MAGI3: variants seen among roughly 807,000 people sequenced by gnomAD.
MAGI3 encodes the protein membrane-associated guanylate kinase, WW and PDZ domain-containing protein 3.
A neutral mutation model predicts 121.8 loss-of-function variants in MAGI3; 43 were observed. The ratio of observed to expected loss-of-function variants is 0.35; its 90% CI spans 0.28 to 0.46. The LOEUF (loss-of-function observed/expected upper bound fraction) is 0.46. Among genes scored for constraint, MAGI3 ranks in the 20% least tolerant of loss-of-function variants. MAGI3 has a pLI of 1.00. For synonymous variants in MAGI3, 553 were observed against 639.3 expected (o/e 0.86, Z 2.04); for missense variants, 1,547 against 1,797.3 (o/e 0.86, Z 2.52).
intron 18 of MAGI3, among the ~76,000 whole-genome samples, 170 bp from the exon 19 acceptor site, chr1:113,673,152 T>G (rs983589836): frequency 6.6e-6 from 1 of 152,242 alleles, no homozygotes; most frequent in Non-Finnish European, 1.5e-5. Context: ...TTAGGCTGCA[T>G]TTATAAAAAT....
At chr1:113,591,583 G>A (rs932477364) in intron 5 of MAGI3, among the ~76,000 whole-genome samples, 25 of 152,088 alleles carry the variant, frequency 1.6e-4, no homozygotes, top group African/African-American at 4.8e-4. Flanking sequence ...CGGATCTTTG[G>A]ATGTGTAGCG....
At chr1:113,492,236 T>C (rs1197308027) in intron 1 of MAGI3, among the ~76,000 whole-genome samples, 1 of 152,188 alleles carries the variant, frequency 6.6e-6, no homozygotes, top group Non-Finnish European at 1.5e-5. Flanking sequence ...ATAAATGTGA[T>C]TTATCACATA....
chr1:113,574,176 G>T (rs1324576937), intron 2 of MAGI3, among the ~76,000 whole-genome samples: 1 of 152,020 alleles, frequency 6.6e-6, no homozygotes, highest in Non-Finnish European at 1.5e-5. Context: ...TTTAATTGGG[G>T]TATTCAGCCC....
chr1:113,615,419 C>A (rs1650398560), intron 7 of MAGI3, among the ~76,000 whole-genome samples: 1 of 152,138 alleles, frequency 6.6e-6, no homozygotes, highest in African/African-American at 2.4e-5. Context: ...AGGAGTTAAA[C>A]CTGCTGCCTA....
chr1:113,595,123 A>T (rs183935573), intron 6 of MAGI3, among the ~76,000 whole-genome samples: 224 of 152,188 alleles, frequency 1.5e-3, no homozygotes, highest in African/African-American at 5.3e-3. Context: ...TGTCCTATAT[A>T]TTATAGGTTA....
intron 1 of MAGI3, among the ~76,000 whole-genome samples, chr1:113,495,342 A>C (rs974508649): frequency 2.0e-5 from 3 of 148,458 alleles, no homozygotes; most frequent in Admixed American, 6.8e-5. Flanking sequence ...ATTTTGTTTT[A>C]GTTTTTGAAG....
intron 4 of MAGI3, among the ~76,000 whole-genome samples, chr1:113,587,783 G>A (rs913950128): frequency 6.6e-6 from 1 of 152,142 alleles, no homozygotes; most frequent in Non-Finnish European, 1.5e-5. Context: ...ATTAAGAAAA[G>A]TGTTATAGAT....
At chr1:113,663,951 A>C (rs1422013461) in intron 16 of MAGI3, among the ~76,000 whole-genome samples, 1 of 152,224 alleles carries the variant, frequency 6.6e-6, no homozygotes, top group Non-Finnish European at 1.5e-5. Context: ...GCTGATGAGT[A>C]ATGATGTTGA....
intron 16 of MAGI3, among the ~76,000 whole-genome samples, chr1:113,660,894 A>G (rs1653755601): frequency 6.7e-6 from 1 of 150,072 alleles, no homozygotes; most frequent in Non-Finnish European, 1.5e-5. Context: ...GTGAGCCACC[A>G]TGCCTGGCCA....
chr1:113,535,634 AATAGAT>A (rs1220128609), intron 1 of MAGI3, among the ~76,000 whole-genome samples: 4 of 152,198 alleles, frequency 2.6e-5, no homozygotes, highest in African/African-American at 9.6e-5. Flanking sequence ...AGTATATGTT[AATAGAT>A]ATTGCCATAA....
At chr1:113,509,330 A>G (rs1463716105) in intron 1 of MAGI3, among the ~76,000 whole-genome samples, 1 of 149,302 alleles carries the variant, frequency 6.7e-6, no homozygotes, top group African/African-American at 2.5e-5. Flanking sequence ...TTCCATCACT[A>G]TTGAATACTA....
chr1:113,580,609 G>A lies in MAGI3; in HGVS notation c.501G>A (p.Gln167=), dbSNP rs1647961907. 1 of 1,611,816 alleles carries A rather than the reference G, an allele frequency of 6.2e-7. No individual in the cohort carries two copies. Among genetic ancestry groups the A allele is most frequent in the African/African-American group, 1.3e-5 (1 of 74,866 alleles). The change falls in exon 3 of 21, where the codon CAG becomes CAA. Residue 167 remains glutamine (Q), a synonymous_variant. Coordinates refer to ENST00000307546, the MANE Select transcript of MAGI3 (RefSeq NM_001142782.2). ...GVDYNFISVE[Q]FKALEESGAL... is the part of the protein sequence containing the mutation. ...ATTATAATTTCATTTCCGTTGAACAGTTCAAAGCACTGGAAGAGAGTGGAG... is the reference window on the plus strand; with the variant it reads ...ATTATAATTTCATTTCCGTTGAACAATTCAAAGCACTGGAAGAGAGTGGAG...
chr1:113,550,757 CAA>C (rs375232110), intron 2 of MAGI3, among the ~76,000 whole-genome samples: 2 of 108,140 alleles, frequency 1.8e-5, no homozygotes, highest in African/African-American at 3.4e-5. Flanking sequence ...ACCCTCAACT[CAA>C]AAAAAAAAAA....
rs1230448185 is a variant in MAGI3, at chr1:113,658,132, G to A, written c.2630-948G>A. Among the ~76,000 whole-genome samples the A allele has an allele frequency of 6.6e-6, 1 of 152,210 alleles. No homozygotes were observed. Among genetic ancestry groups the A allele is most frequent in the African/African-American group, 2.4e-5 (1 of 41,464 alleles). On this transcript the variant is annotated intron_variant, in intron 15 of 20. Transcript: ENST00000307546. This position sits in a 1 kb window ranked among gnomAD's most constrained non-coding sequence, Gnocchi z 4.0. The stretch of plus-strand genomic sequence containing the variant: ...AGCCCACATACCTGATAAGTTTAAA[G>A]TTTACTGACCTAGGCTAGGAAATTC...
At chr1:113,597,708 A>C (rs1649108039) in intron 6 of MAGI3, among the ~76,000 whole-genome samples, 1 of 152,192 alleles carries the variant, frequency 6.6e-6, no homozygotes, top group African/African-American at 2.4e-5. Flanking sequence ...TCTATCTTTA[A>C]CCACCTTAAA....
chr1:113,643,613 C>A, intron 10 of MAGI3, 130 bp from the exon 11 acceptor site: 1 of 775,288 alleles, frequency 1.3e-6, no homozygotes, highest in Non-Finnish European at 2.2e-6. Context: ...ATGCCTGGTA[C>A]ATAGGAGGTT....
intron 1 of MAGI3, among the ~76,000 whole-genome samples, chr1:113,484,851 G>C (rs1442864253): frequency 6.6e-6 from 1 of 150,534 alleles, no homozygotes; most frequent in African/African-American, 2.4e-5. Context: ...CAGCCTCCCA[G>C]GTAGCTGGGA....
chr1:113,682,061 C>T (rs907279447), intron 20 of MAGI3: 36 of 919,480 alleles, frequency 3.9e-5, no homozygotes, highest in Non-Finnish European at 4.8e-5. Context: ...ACATAACCTC[C>T]TACAGTACCC....
At chr1:113,413,180 A>G (rs1165125095) in intron 1 of MAGI3, among the ~76,000 whole-genome samples, 1 of 152,078 alleles carries the variant, frequency 6.6e-6, no homozygotes, top group East Asian at 1.9e-4. Context: ...CAAAAATCAG[A>G]TGGTTGTGGA....
Sources: allele counts gnomAD v4.1 joint callset (sites outside exome capture counted in the v4.1 genomes callset), GRCh38; gene constraint gnomAD v4.1.1; non-coding constraint Gnocchi (gnomAD v3.1); transcripts MANE v1.5; gene names NCBI Gene and HGNC (gene_info 2026-07-23, HGNC 2026-07-21).